CAMTA1: variants seen among roughly 807,000 people sequenced by gnomAD.
CAMTA1 encodes the protein calmodulin-binding transcription activator 1.
A neutral mutation model predicts 170.9 loss-of-function variants in CAMTA1; 27 were observed. That is an observed-to-expected ratio of 0.16 (90% CI 0.12 to 0.22). CAMTA1 has a LOEUF of 0.22. CAMTA1 is among the 10% of genes least tolerant of loss of function. The pLI is 1.00. For synonymous variants in CAMTA1, 833 were observed against 891.5 expected, an observed-to-expected ratio of 0.93 and a Z score of 1.17; for missense variants, 1,619 against 2,217.2, an observed-to-expected ratio of 0.73 and a Z score of 5.42.
intron 4 of CAMTA1, among the ~76,000 whole-genome samples, chr1:7,099,989 CTG>C (rs1642533003): frequency 1.3e-5 from 2 of 152,212 alleles, no homozygotes; most frequent in South Asian, 4.1e-4. Flanking sequence ...GGTTGCCTGT[CTG>C]CTCAGTGTAG....
At chr1:7,363,567 G>A (rs956522484) in intron 5 of CAMTA1, among the ~76,000 whole-genome samples, 1 of 152,178 alleles carries the variant, frequency 6.6e-6, no homozygotes, top group Non-Finnish European at 1.5e-5. Context: ...GTTCCTGCCA[G>A]TGAGTGACAT....
At chr1:7,114,109 A>T (rs1372974827) in intron 4 of CAMTA1, among the ~76,000 whole-genome samples, 1 of 152,184 alleles carries the variant, frequency 6.6e-6, no homozygotes, top group Non-Finnish European at 1.5e-5. Flanking sequence ...CCTTTTGTCA[A>T]AGTCCTCTTC....
At chr1:7,594,337 A>T (rs908848094) in intron 6 of CAMTA1, among the ~76,000 whole-genome samples, 1 of 152,036 alleles carries the variant, frequency 6.6e-6, no homozygotes, top group African/African-American at 2.4e-5. Flanking sequence ...AGACAGGGGG[A>T]CCAGCCGGGG....
intron 5 of CAMTA1, among the ~76,000 whole-genome samples, chr1:7,334,064 T>C (rs1315499749): frequency 6.6e-6 from 1 of 152,112 alleles, no homozygotes; most frequent in African/African-American, 2.4e-5. Context: ...TAAATATACA[T>C]CCCTGAGAAT....
At chr1:6,943,844 C>T (rs1687118563) in intron 3 of CAMTA1, among the ~76,000 whole-genome samples, 1 of 80,546 alleles carries the variant, frequency 1.2e-5, no homozygotes. Flanking sequence ...GAGACTCTGT[C>T]TCAAAAAAAA....
chr1:7,329,715 G>A (rs953426513), intron 5 of CAMTA1, among the ~76,000 whole-genome samples: 1 of 152,098 alleles, frequency 6.6e-6, no homozygotes, highest in Non-Finnish European at 1.5e-5. Flanking sequence ...TTACAGAAGC[G>A]ATACCCCATC....
intron 3 of CAMTA1, among the ~76,000 whole-genome samples, chr1:7,039,062 T>C (rs1704047178): frequency 6.6e-6 from 1 of 152,006 alleles, no homozygotes; most frequent in Admixed American, 6.6e-5. Context: ...TAAAATAAAA[T>C]AAATAAATAA....
intron 6 of CAMTA1, among the ~76,000 whole-genome samples, chr1:7,490,334 A>T (rs372800157): frequency 7.2e-4 from 110 of 152,280 alleles, no homozygotes; most frequent in African/African-American, 2.4e-3. Context: ...TGAGCCCTCC[A>T]TAAAGTCGGA....
rs895652023 is a variant in CAMTA1, at chr1:7,547,882, G to A, written c.510+79981G>A. ...CCTTGCAAGGGCACTCCACTGTGTG[G>A]ACCCCCCACTCACCCGTCAATATGC... On this transcript the variant is annotated intron_variant, in intron 6 of 22. Transcript: ENST00000303635. The surrounding 1 kb of genome is among the most constrained non-coding windows in gnomAD (Gnocchi z 5.7). Among the ~76,000 whole-genome samples the A allele has an allele frequency of 9.2e-5, 14 of 151,984 alleles. No individual in the cohort carries two copies. The highest frequency in any genetic ancestry group is 2.9e-4 in the African/African-American group (12 of 41,374).
At chr1:7,358,331 A>G (rs1237490824) in intron 5 of CAMTA1, among the ~76,000 whole-genome samples, 2 of 152,270 alleles carry the variant, frequency 1.3e-5, no homozygotes, top group Non-Finnish European at 2.9e-5. Context: ...GGAAGCAGAC[A>G]CTAAAAATGG....
At chr1:7,319,455 G>A (rs1263972023) in intron 5 of CAMTA1, among the ~76,000 whole-genome samples, 1 of 152,144 alleles carries the variant, frequency 6.6e-6, no homozygotes, top group Non-Finnish European at 1.5e-5. Flanking sequence ...GCCTGTTCCT[G>A]CTGTGCCTTC....
At chr1:7,717,734 A>G (rs1352153837) in intron 11 of CAMTA1, among the ~76,000 whole-genome samples, 4 of 152,156 alleles carry the variant, frequency 2.6e-5, no homozygotes, top group African/African-American at 9.7e-5. Context: ...TCTAAAAAAA[A>G]ATAAAAAAAT....
chr1:7,515,660 G>A (rs1301396334), intron 6 of CAMTA1, among the ~76,000 whole-genome samples: 1 of 152,152 alleles, frequency 6.6e-6, no homozygotes, highest in Non-Finnish European at 1.5e-5. Flanking sequence ...AGAGGCACCA[G>A]TGAGCAAATC....
rs973114027 is a variant in CAMTA1, at chr1:7,570,952, G to A, written c.511-69448G>A. Among the ~76,000 whole-genome samples the A allele has an allele frequency of 1.3e-5, 2 of 152,130 alleles. No individual in the cohort carries two copies. Among genetic ancestry groups the A allele is most frequent in the Admixed American group, 6.6e-5 (1 of 15,266 alleles). The stretch of plus-strand genomic sequence containing the variant: ...TCAAGATGGGCAGCCTTTCTGTGTC[G>A]CCGGAGGTTGTGAGGATTAAAGGTG... On this transcript the variant is annotated intron_variant, in intron 6 of 22. Transcript: ENST00000303635. This position sits in a 1 kb window ranked among gnomAD's most constrained non-coding sequence, Gnocchi z 4.3.
At chr1:7,121,797 C>A (rs898587232) in intron 4 of CAMTA1, among the ~76,000 whole-genome samples, 2 of 152,142 alleles carry the variant, frequency 1.3e-5, no homozygotes, top group Non-Finnish European at 2.9e-5. Context: ...GCTGGGGACC[C>A]ACAGTGGAGC....
chr1:7,298,985 C>A (rs1470935730), intron 5 of CAMTA1, among the ~76,000 whole-genome samples: 1 of 152,188 alleles, frequency 6.6e-6, no homozygotes, highest in Non-Finnish European at 1.5e-5. Flanking sequence ...GCTAAGGAGG[C>A]TATTTGCTTT....
intron 6 of CAMTA1, among the ~76,000 whole-genome samples, chr1:7,623,161 C>G (rs922018541): frequency 7.2e-5 from 11 of 152,210 alleles, no homozygotes; most frequent in African/African-American, 2.7e-4. Context: ...ATGTTTATAG[C>G]TCGTCTCTTC....
rs184291016 is a variant in CAMTA1, at chr1:6,936,933, A to G, written c.234+111723A>G. On this transcript the variant is annotated intron_variant, in intron 3 of 22. Transcript: ENST00000303635. ...AACCCGAGAGGTGGAGCTTGCAGTG[A>G]GCCGAGATTACGCCACTGCACTCCA... Among the ~76,000 whole-genome samples the G allele has an allele frequency of 5.3e-5, 8 of 152,230 alleles. No individual in the cohort carries two copies. The East Asian group carries it at 1.4e-3, about 26-fold the overall frequency.
At chr1:6,914,805 A>T (rs779766964) in intron 3 of CAMTA1, among the ~76,000 whole-genome samples, 2 of 151,996 alleles carry the variant, frequency 1.3e-5, no homozygotes, top group African/African-American at 2.4e-5. Context: ...CTGGGATGTT[A>T]CTCTGCGTTT....
Sources: allele counts gnomAD v4.1 joint callset (sites outside exome capture counted in the v4.1 genomes callset), GRCh38; gene constraint gnomAD v4.1.1; non-coding constraint Gnocchi (gnomAD v3.1); transcripts MANE v1.5; gene names NCBI Gene and HGNC (gene_info 2026-07-23, HGNC 2026-07-21).